ASTN2: variants seen among roughly 807,000 people sequenced by gnomAD.
The protein encoded by ASTN2 is astrotactin-2.
Under a neutral mutation model 139.8 loss-of-function variants are expected in ASTN2, and 54 were observed. The observed-to-expected ratio is 0.39, with a 90% CI of 0.31 to 0.48. The LOEUF is 0.48. Ranked by LOEUF, ASTN2 falls within the 20% of genes least tolerant of loss-of-function variation. The probability of loss-of-function intolerance (pLI) is 0.95; values close to 1 mark genes in which losing one functional copy is unlikely to be tolerated. For synonymous variants in ASTN2, 756 were observed against 719.5 expected (o/e 1.05, Z -0.81); for missense variants, 1,565 against 1,725.1 (o/e 0.91, Z 1.64).
intron 17 of ASTN2, among the ~76,000 whole-genome samples, chr9:116,637,431 C>T (rs865787639): frequency 3.3e-5 from 5 of 151,984 alleles, no homozygotes; most frequent in Admixed American, 6.6e-5. Context: ...CTCATTTTAC[C>T]GATGGTAAAA....
intron 2 of ASTN2, among the ~76,000 whole-genome samples, chr9:117,219,201 C>G (rs1354753824): frequency 6.6e-6 from 1 of 152,110 alleles, no homozygotes; most frequent in African/African-American, 2.4e-5. Context: ...CTGCACTGGT[C>G]CAGGCTTCTG....
intron 2 of ASTN2, among the ~76,000 whole-genome samples, chr9:117,243,746 C>T (rs1833283915): frequency 6.6e-6 from 1 of 152,118 alleles, no homozygotes; most frequent in African/African-American, 2.4e-5. Flanking sequence ...TTAACCCCGC[C>T]ACCCCTCCCC....
chr9:116,525,908 C>CA (rs1269577541), intron 19 of ASTN2, among the ~76,000 whole-genome samples: 1 of 152,166 alleles, frequency 6.6e-6, no homozygotes, highest in Non-Finnish European at 1.5e-5. Flanking sequence ...GATTCATTCA[C>CA]AAACAGACCT....
chr9:116,691,098 A>G (rs1451210125), intron 16 of ASTN2, among the ~76,000 whole-genome samples: 1 of 152,036 alleles, frequency 6.6e-6, no homozygotes, highest in Non-Finnish European at 1.5e-5. Flanking sequence ...TTTTAAATTT[A>G]TTGTAGAGAT....
chr9:116,534,550 T>G (rs957847294), intron 19 of ASTN2, among the ~76,000 whole-genome samples: 7 of 152,204 alleles, frequency 4.6e-5, no homozygotes, highest in African/African-American at 9.7e-5. Context: ...CAGAGATTCT[T>G]GTATGTTATG....
chr9:117,333,476 A>G (rs1210210299), intron 1 of ASTN2, among the ~76,000 whole-genome samples: 1 of 152,194 alleles, frequency 6.6e-6, no homozygotes, highest in Non-Finnish European at 1.5e-5. Context: ...TGATCTAGCC[A>G]TCTTCAAACT....
intron 4 of ASTN2, among the ~76,000 whole-genome samples, chr9:117,124,386 C>T (rs73657658): frequency 0.011 from 1,727 of 152,150 alleles, 34 homozygotes; most frequent in Middle Eastern, 0.075. Context: ...TTTGCCATAA[C>T]AGGAAAAAAG....
At chr9:116,813,978 G>A (rs901346559) in intron 12 of ASTN2, among the ~76,000 whole-genome samples, 6 of 151,092 alleles carry the variant, frequency 4.0e-5, no homozygotes, top group Admixed American at 4.0e-4. Flanking sequence ...GGTGGTTGCG[G>A]TGAACTGAGA....
chr9:116,550,568 T>C (rs762942720), intron 19 of ASTN2, among the ~76,000 whole-genome samples: 3 of 152,000 alleles, frequency 2.0e-5, no homozygotes, highest in African/African-American at 4.8e-5. Flanking sequence ...AAGGTGGGGA[T>C]TGGGAGAGGA....
intron 13 of ASTN2, among the ~76,000 whole-genome samples, chr9:116,764,143 G>C (rs537504278): frequency 6.6e-6 from 1 of 152,330 alleles, no homozygotes; most frequent in African/African-American, 2.4e-5. Flanking sequence ...TAGTGTGGCA[G>C]AGGCTGTGAT....
At chr9:117,014,118 T>C (rs896622037) in intron 6 of ASTN2, among the ~76,000 whole-genome samples, 1 of 152,130 alleles carries the variant, frequency 6.6e-6, no homozygotes, top group Non-Finnish European at 1.5e-5. Flanking sequence ...GTCTTGGACC[T>C]GGGAGAAATG....
At chr9:117,191,995 G>C (rs1057448300) in intron 3 of ASTN2, among the ~76,000 whole-genome samples, 21 of 152,198 alleles carry the variant, frequency 1.4e-4, no homozygotes, top group African/African-American at 4.8e-4. Flanking sequence ...CGTTTGTTTT[G>C]CTATCATGGC....
chr9:116,949,571 G>C (rs1835499490), intron 10 of ASTN2, among the ~76,000 whole-genome samples: 1 of 152,168 alleles, frequency 6.6e-6, no homozygotes, highest in African/African-American at 2.4e-5. Context: ...CTGCCTGATT[G>C]AATCTTTGTG....
chr9:116,536,425 A>G (rs1851630800), intron 19 of ASTN2, among the ~76,000 whole-genome samples: 1 of 151,972 alleles, frequency 6.6e-6, no homozygotes, highest in Admixed American at 6.6e-5. Context: ...GGAGGTGGAG[A>G]GGTGCTCTGA....
At chr9:116,848,458 T>C (rs943307) in intron 11 of ASTN2, among the ~76,000 whole-genome samples, 126,060 of 152,190 alleles carry the variant, frequency 0.83, 52,405 homozygotes, top group East Asian at 0.96. Flanking sequence ...AGCAAACCTA[T>C]GTGGCAAACA....
intron 5 of ASTN2, among the ~76,000 whole-genome samples, chr9:117,093,402 C>T (rs764058842): frequency 1.4e-4 from 22 of 152,164 alleles, no homozygotes; most frequent in Non-Finnish European, 2.9e-4. Flanking sequence ...GGAATTGATG[C>T]ACAGAGACGT....
chr9:116,801,208 T>G (rs1830836367), intron 13 of ASTN2, among the ~76,000 whole-genome samples: 1 of 152,022 alleles, frequency 6.6e-6, no homozygotes, highest in Non-Finnish European at 1.5e-5. Context: ...TGCTGAAATA[T>G]TTGCAGGCTT....
intron 1 of ASTN2, among the ~76,000 whole-genome samples, chr9:117,371,541 GATTTGA>G: frequency 6.6e-6 from 1 of 152,096 alleles, no homozygotes; most frequent in Admixed American, 6.6e-5. Flanking sequence ...GGATAACGTG[GATTTGA>G]ATCCCATCTT....
At chr9:117,121,015 C>T (rs923363777) in intron 4 of ASTN2, among the ~76,000 whole-genome samples, 1 of 152,186 alleles carries the variant, frequency 6.6e-6, no homozygotes, top group Admixed American at 6.5e-5. Flanking sequence ...GCCTGGGGTA[C>T]ACAGTATGTG....
Sources: allele counts gnomAD v4.1 joint callset (sites outside exome capture counted in the v4.1 genomes callset), GRCh38; gene constraint gnomAD v4.1.1; transcripts MANE v1.5; gene names NCBI Gene and HGNC (gene_info 2026-07-23, HGNC 2026-07-21).